Variants in PALD1 observed in about 807,000 individuals in gnomAD.
PALD1 encodes phosphatase domain containing paladin 1, also known as paladin.
In PALD1, 57 loss-of-function variants were observed where a neutral mutation model predicts 96.0. The ratio of observed to expected loss-of-function variants is 0.59; its 90% CI spans 0.48 to 0.74. PALD1 has a LOEUF of 0.74. PALD1 is among the 30% of genes least tolerant of loss of function. The pLI, the probability that PALD1 is intolerant of heterozygous loss-of-function variation, is 0.00. For missense variants in PALD1, 1,063 were observed against 1,143.7 expected (o/e 0.93, Z 1.02); for synonymous variants, 464 against 473.6 (o/e 0.98, Z 0.26).
rs1479794770 is a variant in PALD1 at position 70,478,912 on chromosome 10, C to T, written c.-177C>T. On this transcript the variant is annotated 5_prime_UTR_variant, in exon 1 of 20. Coordinates refer to ENST00000263563, the MANE Select transcript of PALD1 (RefSeq NM_014431.3). ...CCACCTCCGGAGCCACCTCTGCCCC[C>T]GCATGGGCTGGCGAAGTTGGGAGGA... 1 of 152,020 alleles carries T rather than the reference C, an allele frequency of 6.6e-6. No homozygotes were observed. Among genetic ancestry groups the T allele is most frequent in the East Asian group, 1.9e-4 (1 of 5,178 alleles). 9.4% of individuals were successfully genotyped at this position (152,020 alleles called of 1,614,324 possible).
chr10:70,566,769 C>G lies in PALD1; in HGVS notation c.*36C>G. On this transcript the variant is annotated 3_prime_UTR_variant, in exon 20 of 20. Coordinates refer to ENST00000263563, the MANE Select transcript of PALD1 (RefSeq NM_014431.3). ...TCCCTGTCCCCCCACCCACAGGGCC[C>G]CACGCAGGCCTGGGGTGTCTGAGGT... 1 of 1,470,688 alleles carries G rather than the reference C, an allele frequency of 6.8e-7. No homozygotes were observed. Among genetic ancestry groups the G allele is most frequent in the Non-Finnish European group, 9.2e-7 (1 of 1,081,494 alleles). The allele number at this position is 1,470,688 out of a possible 1,614,324, so 91.1% of individuals were successfully genotyped here. A position where few individuals can be genotyped will look rare whatever the true frequency, so the allele number is the denominator to read the frequency against.
intron 10 of PALD1, among the ~76,000 whole-genome samples, chr10:70,537,487 AC>A (rs1019325278): frequency 6.6e-6 from 1 of 152,068 alleles, no homozygotes; most frequent in African/African-American, 2.4e-5. Flanking sequence ...CACAACCCTG[AC>A]CTGTTGGGTG....
chr10:70,510,525 A>G (rs959529078), intron 1 of PALD1, among the ~76,000 whole-genome samples: 43 of 152,124 alleles, frequency 2.8e-4, no homozygotes, highest in Admixed American at 4.6e-4. Context: ...GAACCTAGAG[A>G]TAGACAGGAG....
At chr10:70,508,083 G>T (rs1265659683) in intron 1 of PALD1, among the ~76,000 whole-genome samples, 3 of 152,164 alleles carry the variant, frequency 2.0e-5, no homozygotes, top group Non-Finnish European at 4.4e-5. Flanking sequence ...TGAGTGATTG[G>T]GGGGCTGGTG....
upstream of PALD1, among the ~76,000 whole-genome samples, chr10:70,477,607 C>T (rs1310752878): frequency 1.3e-5 from 2 of 152,196 alleles, no homozygotes; most frequent in Non-Finnish European, 2.9e-5. Context: ...TCGCGAGGCA[C>T]TTAAGAGCTA....
At chr10:70,509,789 G>A (rs1265891421) in intron 1 of PALD1, among the ~76,000 whole-genome samples, 3 of 152,204 alleles carry the variant, frequency 2.0e-5, no homozygotes, top group Non-Finnish European at 4.4e-5. Context: ...GGAGGGCACA[G>A]GTTGGGTCTG....
intron 7 of PALD1, 45 bp from the exon 8 acceptor site, chr10:70,533,877 G>A (rs1206419384): frequency 1.3e-6 from 2 of 1,500,392 alleles, no homozygotes; most frequent in Non-Finnish European, 1.8e-6. Flanking sequence ...CTCAGCCCAG[G>A]GTTTCCTGGT....
chr10:70,508,076 G>A (rs1168883980), intron 1 of PALD1, among the ~76,000 whole-genome samples: 3 of 152,196 alleles, frequency 2.0e-5, no homozygotes, highest in Non-Finnish European at 4.4e-5. Context: ...TGTGGAATGA[G>A]TGATTGGGGG....
At chr10:70,508,850 T>C (rs1328642621) in intron 1 of PALD1, among the ~76,000 whole-genome samples, 1 of 130,400 alleles carries the variant, frequency 7.7e-6, no homozygotes, top group Non-Finnish European at 1.7e-5. Context: ...AACCTGTGTG[T>C]GTGTGTGCAG....
chr10:70,504,477 C>T (rs188924704), intron 1 of PALD1, among the ~76,000 whole-genome samples: 1 of 152,170 alleles, frequency 6.6e-6, no homozygotes, highest in African/African-American at 2.4e-5. Flanking sequence ...GAGCCGAGAT[C>T]GTGCCACTGC....
At chr10:70,505,815 G>A (rs2132303638) in intron 1 of PALD1, among the ~76,000 whole-genome samples, 1 of 151,964 alleles carries the variant, frequency 6.6e-6, no homozygotes, top group Non-Finnish European at 1.5e-5. Flanking sequence ...GAGCCCAGGA[G>A]TTGGAGACCA....
At chr10:70,545,217 G>T (rs974133455) in intron 17 of PALD1, among the ~76,000 whole-genome samples, 3 of 152,162 alleles carry the variant, frequency 2.0e-5, no homozygotes, top group African/African-American at 7.2e-5. Flanking sequence ...GGTGATGCTG[G>T]AGAGGTAGGC....
At chr10:70,517,342 ATTTT>A (rs35816076) in intron 1 of PALD1, among the ~76,000 whole-genome samples, 2 of 137,624 alleles carry the variant, frequency 1.5e-5, no homozygotes, top group Non-Finnish European at 1.6e-5. Context: ...TTAAGTGTTC[ATTTT>A]TTTTTTTTTT....
chr10:70,563,399 C>G (rs1847780097), intron 18 of PALD1, among the ~76,000 whole-genome samples: 2 of 152,354 alleles, frequency 1.3e-5, no homozygotes, highest in South Asian at 2.1e-4. Context: ...CACTCCCACA[C>G]TCTCTGGGAA....
intron 1 of PALD1, among the ~76,000 whole-genome samples, chr10:70,517,676 C>T (rs901097553): frequency 1.3e-5 from 2 of 151,920 alleles, no homozygotes; most frequent in South Asian, 2.1e-4. Flanking sequence ...GGCAAATGTA[C>T]GCCGTTGTGT....
intron 1 of PALD1, among the ~76,000 whole-genome samples, chr10:70,504,595 A>G (rs1234530291): frequency 1.3e-5 from 2 of 152,248 alleles, no homozygotes; most frequent in Non-Finnish European, 2.9e-5. Flanking sequence ...AACATAAATA[A>G]AATCTATTAT....
rs190200279 is a variant in PALD1, at chr10:70,536,804, G to A, written c.1228-1007G>A. 5.3e-5 allele frequency among the ~76,000 whole-genome samples: 8 copies of A among 152,302 alleles called. No homozygotes were observed. In the East Asian group the frequency reaches 1.5e-3, roughly 29 times the overall value. ...CACCAAAGGGCGTGGCCCTTCTTTA[G>A]GGCCTCTGTGAATCTCACTTGAATC... On this transcript the variant is annotated intron_variant, in intron 10 of 19. Coordinates refer to ENST00000263563, the MANE Select transcript of PALD1 (RefSeq NM_014431.3).
At chr10:70,487,300 A>AT (rs34476388) in intron 1 of PALD1, among the ~76,000 whole-genome samples, 97,640 of 150,944 alleles carry the variant, frequency 0.65, 33,888 homozygotes, top group Non-Finnish European at 0.79. Context: ...TGCCCGGCTA[A>AT]TTTTTTGTGT....
chr10:70,506,405 C>A (rs1413397549), intron 1 of PALD1, among the ~76,000 whole-genome samples: 1 of 152,126 alleles, frequency 6.6e-6, no homozygotes, highest in African/African-American at 2.4e-5. Context: ...ACCTCTGGAC[C>A]CCTGGAAGGA....
Sources: allele counts gnomAD v4.1 joint callset (sites outside exome capture counted in the v4.1 genomes callset), GRCh38; gene constraint gnomAD v4.1.1; transcripts MANE v1.5; gene names NCBI Gene and HGNC (gene_info 2026-07-23, HGNC 2026-07-21).